CMTM8: variants seen among roughly 807,000 people sequenced by gnomAD.
The protein encoded by CMTM8 is CKLF-like MARVEL transmembrane domain-containing protein 8.
CMTM8 carries 12 observed loss-of-function variants against 18.6 expected under a neutral mutation model. The observed-to-expected ratio is 0.65, with a 90% confidence interval of 0.41 to 1.05. The LOEUF is 1.05. Ranked by LOEUF, CMTM8 falls within the 50% of genes least tolerant of loss-of-function variation. The pLI is 0.00. For synonymous variants in CMTM8, 87 were observed against 90.6 expected (o/e 0.96, Z 0.23); for missense variants, 217 against 227.2 (o/e 0.95, Z 0.29).
rs547287510 is a variant in CMTM8, at chr3:32,304,816, A to G, written c.148-52557A>G. 3.3e-5 allele frequency among the ~76,000 whole-genome samples: 5 copies of G among 152,374 alleles called. No individual in the cohort carries two copies. In the East Asian group the frequency reaches 9.6e-4, roughly 29 times the overall value. ...CAGCTAGATAAACAGCTTCTGCAGTATAACAGAAATCAGCAGCCTATGCCA... is the reference window on the plus strand; with the variant it reads ...CAGCTAGATAAACAGCTTCTGCAGTGTAACAGAAATCAGCAGCCTATGCCA... On this transcript the variant is annotated intron_variant, in intron 1 of 3. Transcript: ENST00000307526.
At chr3:32,290,934 C>T (rs1239691444) in intron 1 of CMTM8, among the ~76,000 whole-genome samples, 1 of 152,104 alleles carries the variant, frequency 6.6e-6, no homozygotes, top group Non-Finnish European at 1.5e-5. Context: ...TTTTTCAAGA[C>T]ACGGGGTTTT....
At chr3:32,335,590 A>G (rs1358695096) in intron 1 of CMTM8, among the ~76,000 whole-genome samples, 1 of 152,242 alleles carries the variant, frequency 6.6e-6, no homozygotes, top group African/African-American at 2.4e-5. Flanking sequence ...ATTGGACCCT[A>G]CTGATCCTGG....
At chr3:32,338,266 G>A (rs1160180784) in intron 1 of CMTM8, among the ~76,000 whole-genome samples, 2 of 152,100 alleles carry the variant, frequency 1.3e-5, no homozygotes, top group Non-Finnish European at 2.9e-5. Context: ...ACAGGTGTAA[G>A]CCACCGTGCC....
intron 1 of CMTM8, among the ~76,000 whole-genome samples, chr3:32,268,017 A>C (rs1315027196): frequency 1.3e-5 from 2 of 152,326 alleles, no homozygotes; most frequent in East Asian, 3.9e-4. Flanking sequence ...TAGTTCAACC[A>C]TTGCAGAAGT....
rs372987209 is a variant in CMTM8 at position 32,243,089 on chromosome 3, C to T, written c.147+3970C>T. Among the ~76,000 whole-genome samples the T allele has an allele frequency of 9.3e-4, 141 of 151,988 alleles. 2 individuals are homozygous for T. Among genetic ancestry groups the T allele is most frequent in the African/African-American group, 3.3e-3 (137 of 41,524 alleles). ...TGTATTTTTCATAGAGACAGGGTTT[C>T]GCCATGTTGGCTGGGCTGGTCTCGA... On this transcript the variant is annotated intron_variant, in intron 1 of 3. Coordinates refer to ENST00000307526, the MANE Select transcript of CMTM8 (RefSeq NM_178868.5).
chr3:32,369,453 C>T (rs1695604635), intron 3 of CMTM8, among the ~76,000 whole-genome samples: 1 of 152,098 alleles, frequency 6.6e-6, no homozygotes, highest in Non-Finnish European at 1.5e-5. Flanking sequence ...TTAAGAAGGG[C>T]CTGCATTTTC....
At chr3:32,280,846 C>CAAAAAAAAGAAA (rs1702597352) in intron 1 of CMTM8, among the ~76,000 whole-genome samples, 1 of 68,174 alleles carries the variant, frequency 1.5e-5, no homozygotes, top group African/African-American at 6.2e-5. Flanking sequence ...AGAAAATAGG[C>CAAAAAAAAGAAA]AAAAAAAAAA....
intron 1 of CMTM8, among the ~76,000 whole-genome samples, chr3:32,272,522 G>A (rs979313390): frequency 1.3e-5 from 2 of 152,062 alleles, no homozygotes; most frequent in African/African-American, 4.8e-5. Context: ...TTCCTGGGCT[G>A]CATTTTAGTT....
At chr3:32,321,261 T>C (rs1444343996) in intron 1 of CMTM8, among the ~76,000 whole-genome samples, 1 of 152,076 alleles carries the variant, frequency 6.6e-6, no homozygotes, top group Non-Finnish European at 1.5e-5. Flanking sequence ...TCGGGTCACA[T>C]GTCAGCTTGT....
At chr3:32,355,128 G>T (rs1005218940) in intron 1 of CMTM8, among the ~76,000 whole-genome samples, 2 of 152,124 alleles carry the variant, frequency 1.3e-5, no homozygotes, top group African/African-American at 4.8e-5. Flanking sequence ...GCTTCTCTCG[G>T]GAAGCAGTTT....
intron 1 of CMTM8, among the ~76,000 whole-genome samples, chr3:32,293,674 C>G (rs1013798752): frequency 6.6e-6 from 1 of 152,068 alleles, no homozygotes; most frequent in Admixed American, 6.6e-5. Flanking sequence ...GGAGAAACCT[C>G]GTCTCTACTA....
chr3:32,280,846 C>CAAAAAAAAA (rs60845487), intron 1 of CMTM8, among the ~76,000 whole-genome samples: 4 of 68,168 alleles, frequency 5.9e-5, no homozygotes, highest in Non-Finnish European at 7.9e-5. Context: ...AGAAAATAGG[C>CAAAAAAAAA]AAAAAAAAAA....
intron 1 of CMTM8, among the ~76,000 whole-genome samples, chr3:32,302,747 A>G (rs924979571): frequency 3.9e-5 from 6 of 152,116 alleles, no homozygotes; most frequent in African/African-American, 1.4e-4. Context: ...GAAGAAAGCT[A>G]AGGTCCCTCT....
chr3:32,315,768 G>A (rs1030756088), intron 1 of CMTM8, among the ~76,000 whole-genome samples: 1 of 152,096 alleles, frequency 6.6e-6, no homozygotes, highest in Admixed American at 6.5e-5. Context: ...GTGACTTATG[G>A]AGCAGATGGC....
chr3:32,300,233 G>A (rs1239817003), intron 1 of CMTM8, among the ~76,000 whole-genome samples: 1 of 152,178 alleles, frequency 6.6e-6, no homozygotes, highest in Non-Finnish European at 1.5e-5. Flanking sequence ...ACCCAGCAAG[G>A]GCTGTCTGTT....
chr3:32,250,918 G>A (rs1702103475), intron 1 of CMTM8, among the ~76,000 whole-genome samples: 1 of 151,994 alleles, frequency 6.6e-6, no homozygotes, highest in Non-Finnish European at 1.5e-5. Flanking sequence ...TATCCTTTCT[G>A]TGGTATTCTA....
intron 1 of CMTM8, among the ~76,000 whole-genome samples, chr3:32,285,180 C>A (rs1702659930): frequency 6.6e-6 from 1 of 152,108 alleles, no homozygotes; most frequent in Non-Finnish European, 1.5e-5. Context: ...AAGCAGGGAC[C>A]TTGCATAGAA....
At chr3:32,312,767 C>G (rs1376380363) in intron 1 of CMTM8, among the ~76,000 whole-genome samples, 1 of 151,432 alleles carries the variant, frequency 6.6e-6, no homozygotes, top group Non-Finnish European at 1.5e-5. Context: ...ATTTGTGCCC[C>G]CTAGCAACCG....
chr3:32,276,205 A>G (rs999228781), intron 1 of CMTM8, among the ~76,000 whole-genome samples: 1 of 151,780 alleles, frequency 6.6e-6, no homozygotes, highest in Non-Finnish European at 1.5e-5. Context: ...TCCTCTCCAA[A>G]TCCTTCTCCT....
Sources: gnomAD v4.1 joint callset for allele counts (sites outside exome capture counted in the v4.1 genomes callset) on GRCh38, gnomAD v4.1.1 for gene constraint, MANE v1.5 for transcripts, NCBI Gene and HGNC (gene_info 2026-07-23, HGNC 2026-07-21) for gene names.